Variants in FAM117A observed in about 807,000 individuals in gnomAD.
FAM117A encodes family with sequence similarity 117 member A.
Under a neutral mutation model 44.1 loss-of-function variants are expected in FAM117A, and 21 were observed. The ratio of observed to expected loss-of-function variants is 0.48; its 90% CI spans 0.34 to 0.69. The LOEUF (loss-of-function observed/expected upper bound fraction) is 0.69, where lower values mean the gene tolerates loss of function less well. Ranked by LOEUF, FAM117A falls within the 30% of genes least tolerant of loss-of-function variation. The probability of loss-of-function intolerance (pLI) is 0.01; values close to 1 mark genes in which losing one functional copy is unlikely to be tolerated. For missense variants in FAM117A, 498 were observed against 589.9 expected, an observed-to-expected ratio of 0.84 and a Z score of 1.61; for synonymous variants, 220 against 238.3, an observed-to-expected ratio of 0.92 and a Z score of 0.71.
rs551596490 is a variant in FAM117A at position 49,753,303 on chromosome 17, T to G, written c.196+10589A>C. 7.2e-5 allele frequency among the ~76,000 whole-genome samples: 11 copies of G among 152,346 alleles called. No individual in the cohort carries two copies. In the East Asian group the frequency reaches 1.3e-3, roughly 19 times the overall value. On this transcript the variant is annotated intron_variant, in intron 1 of 7. Coordinates refer to ENST00000240364, the MANE Select transcript of FAM117A (RefSeq NM_030802.4). ...CTGAGACAAAATTCACAACGGACTT[T>G]TTCTGCATATGTGGGAAATGCCCTT...
chr17:49,717,082 T>G (rs1304082316), intron 6 of FAM117A, among the ~76,000 whole-genome samples: 3 of 151,262 alleles, frequency 2.0e-5, no homozygotes, highest in Non-Finnish European at 2.9e-5. Flanking sequence ...AAAAAAAAAA[T>G]GAGTTTTGGT....
chr17:49,773,652 C>T (rs913854587), intron 1 of FAM117A, among the ~76,000 whole-genome samples: 2 of 152,094 alleles, frequency 1.3e-5, no homozygotes, highest in African/African-American at 2.4e-5. Flanking sequence ...TTAGACCTCG[C>T]TTTCTCCAAG....
At chr17:49,754,588 G>A (rs1289744447) in intron 1 of FAM117A, among the ~76,000 whole-genome samples, 3 of 152,068 alleles carry the variant, frequency 2.0e-5, no homozygotes, top group Non-Finnish European at 2.9e-5. Context: ...ACAGGCGTGA[G>A]CCACCGTGCC....
rs565377972 is a variant in FAM117A, at chr17:49,721,279, G to A, written c.463-843C>T. Among the ~76,000 whole-genome samples the A allele has an allele frequency of 3.3e-5, 5 of 152,216 alleles. No individual in the cohort carries two copies. In the East Asian group the frequency reaches 9.6e-4, roughly 29 times the overall value. On this transcript the variant is annotated intron_variant, in intron 3 of 7. Transcript: ENST00000240364. ...CACATGTGCAATTCTGGACCTTCTTGCCCTCAACTGGAAAATGCTCAGGGG... is the reference window on the plus strand; with the variant it reads ...CACATGTGCAATTCTGGACCTTCTTACCCTCAACTGGAAAATGCTCAGGGG...
At chr17:49,760,899 T>C (rs1047735694) in intron 1 of FAM117A, among the ~76,000 whole-genome samples, 1 of 152,240 alleles carries the variant, frequency 6.6e-6, no homozygotes, top group Admixed American at 6.5e-5. Flanking sequence ...TAATGGCTCT[T>C]AGCTTTTTTA....
At chr17:49,763,370 G>C in intron 1 of FAM117A, among the ~76,000 whole-genome samples, 1 of 152,090 alleles carries the variant, frequency 6.6e-6, no homozygotes, top group East Asian at 1.9e-4. Flanking sequence ...AAGTGGTGGA[G>C]AATGGAACTC....
At chr17:49,771,497 AAT>A (rs201884751) in intron 1 of FAM117A, among the ~76,000 whole-genome samples, 1,843 of 152,120 alleles carry the variant, frequency 0.012, 51 homozygotes, top group African/African-American at 0.043. Flanking sequence ...AAAAAAAAAA[AAT>A]GTCCTCCTGC....
intron 1 of FAM117A, among the ~76,000 whole-genome samples, chr17:49,782,462 G>C (rs1331698648): frequency 4.0e-5 from 6 of 151,674 alleles, no homozygotes; most frequent in Admixed American, 2.6e-4. Flanking sequence ...GGCCAAAGCG[G>C]GTAGATCACT....
chr17:49,728,949 T>C (rs1046594580), intron 2 of FAM117A, among the ~76,000 whole-genome samples: 7 of 152,210 alleles, frequency 4.6e-5, no homozygotes, highest in Admixed American at 2.6e-4. Flanking sequence ...GCCCCAAATA[T>C]TTGGGTAACC....
chr17:49,770,733 GTC>G (rs1433550323), intron 1 of FAM117A, among the ~76,000 whole-genome samples: 2 of 150,362 alleles, frequency 1.3e-5, no homozygotes, highest in African/African-American at 2.5e-5. Context: ...GTGAAACCCT[GTC>G]TCTACAAAAA....
Position 49,775,683 on chromosome 17 carries a change from C to T in FAM117A, c.-621+12814G>A, listed in dbSNP as rs563622166. 7.9e-5 allele frequency among the ~76,000 whole-genome samples: 12 copies of T among 152,292 alleles called. No homozygotes were observed. The South Asian group carries it at 2.5e-3, about 32-fold the overall frequency. On this transcript the variant is annotated intron_variant, in intron 1 of 7. Transcript: ENST00000513602. ...TGTTCCAGTACATTCCACCAGTGGCCTCTGTGACCCCTGCTTCCATTCAAC... is the reference window on the plus strand; with the variant it reads ...TGTTCCAGTACATTCCACCAGTGGCTTCTGTGACCCCTGCTTCCATTCAAC...
chr17:49,729,124 G>T (rs1343456642), intron 2 of FAM117A, among the ~76,000 whole-genome samples: 3 of 152,266 alleles, frequency 2.0e-5, no homozygotes, highest in African/African-American at 7.2e-5. Context: ...CTGTGAAGAA[G>T]CCTCAAGATA....
intron 1 of FAM117A, among the ~76,000 whole-genome samples, chr17:49,750,089 GA>G (rs1488131777): frequency 6.7e-6 from 1 of 148,674 alleles, no homozygotes; most frequent in Non-Finnish European, 1.5e-5. Context: ...ATCTTCTTTG[GA>G]AATAACTTCA....
intron 2 of FAM117A, among the ~76,000 whole-genome samples, chr17:49,730,486 G>A (rs918319788): frequency 3.3e-5 from 5 of 152,190 alleles, no homozygotes; most frequent in African/African-American, 9.6e-5. Context: ...GTGGGATGGT[G>A]ACTTCCTAGA....
At chr17:49,732,821 T>C in intron 1 of FAM117A, 101 bp from the exon 2 acceptor site, 1 of 1,240,486 alleles carries the variant, frequency 8.1e-7, no homozygotes, top group Non-Finnish European at 1.1e-6. Flanking sequence ...CTGCCCCGTC[T>C]TCACTCATAT....
intron 1 of FAM117A, among the ~76,000 whole-genome samples, chr17:49,787,792 T>C (rs2073824380): frequency 6.6e-6 from 1 of 152,228 alleles, no homozygotes; most frequent in Admixed American, 6.5e-5. Context: ...CTCTCATTAT[T>C]ATTTAAATGT....
At chr17:49,768,975 T>C (rs1242939711), upstream of FAM117A, among the ~76,000 whole-genome samples, 2 of 152,222 alleles carry the variant, frequency 1.3e-5, no homozygotes, top group African/African-American at 4.8e-5. Flanking sequence ...CCATCTACTT[T>C]CCTTGCTAAA....
At chr17:49,718,285 G>T (rs1422325628) in intron 5 of FAM117A, among the ~76,000 whole-genome samples, 1 of 152,224 alleles carries the variant, frequency 6.6e-6, no homozygotes, top group Non-Finnish European at 1.5e-5. Flanking sequence ...CAACTAGTAG[G>T]TAAATCATAA....
chr17:49,728,601 TCAAA>T (rs920581037), intron 2 of FAM117A, among the ~76,000 whole-genome samples: 4 of 152,030 alleles, frequency 2.6e-5, no homozygotes, highest in Non-Finnish European at 4.4e-5. Context: ...GGAACTTTGC[TCAAA>T]CAGTCATTCC....
Sources: allele counts gnomAD v4.1 joint callset (sites outside exome capture counted in the v4.1 genomes callset), GRCh38; gene constraint gnomAD v4.1.1; transcripts MANE v1.5; gene names NCBI Gene and HGNC (gene_info 2026-07-23, HGNC 2026-07-21).